GPC5: variants seen among roughly 807,000 people sequenced by gnomAD.
GPC5 encodes glypican 5.
Under a neutral mutation model 53.9 loss-of-function variants are expected in GPC5, and 47 were observed. The observed-to-expected ratio is 0.87, with a 90% CI of 0.69 to 1.11. The LOEUF is 1.11. Among genes scored for constraint, GPC5 ranks in the 50% most tolerant of loss-of-function variants. The pLI is 0.00. For synonymous variants in GPC5, 286 were observed against 263.3 expected (o/e 1.09, Z -0.84); for missense variants, 748 against 713.1 (o/e 1.05, Z -0.56).
chr13:92,288,124 T>G (rs1323814832), intron 7 of GPC5, among the ~76,000 whole-genome samples: 3 of 152,128 alleles, frequency 2.0e-5, no homozygotes. Context: ...TATCTGTTTG[T>G]TGATATTTTC....
intron 5 of GPC5, among the ~76,000 whole-genome samples, chr13:91,834,972 G>A (rs1415369395): frequency 6.6e-6 from 1 of 150,616 alleles, no homozygotes; most frequent in African/African-American, 2.5e-5. Flanking sequence ...CTACAGAATG[G>A]TAGAAAATTT....
rs140056627 is a variant in GPC5, at chr13:91,578,220, A to G, written c.326-114967A>G. Among the ~76,000 whole-genome samples the G allele has an allele frequency of 7.6e-3, 1,156 of 152,312 alleles. 5 individuals are homozygous for G. Among genetic ancestry groups the G allele is most frequent in the Non-Finnish European group, 0.011 (774 of 68,030 alleles). Reference sequence around the variant, plus strand: ...TCCTTCAGCTCCAGTGAAGGCTTCAAATGATAGCTCTCCTGGCTTGTCTTA... The same window carrying G: ...TCCTTCAGCTCCAGTGAAGGCTTCAGATGATAGCTCTCCTGGCTTGTCTTA... On this transcript the variant is annotated intron_variant, in intron 2 of 7. Coordinates refer to ENST00000377067, the MANE Select transcript of GPC5 (RefSeq NM_004466.6).
chr13:91,725,327 AG>A (rs2036554584), intron 3 of GPC5, among the ~76,000 whole-genome samples: 1 of 152,204 alleles, frequency 6.6e-6, no homozygotes, highest in African/African-American at 2.4e-5. Flanking sequence ...AGGAAATTGC[AG>A]TATAAGTCAG....
chr13:92,233,435 A>C (rs569748687), intron 7 of GPC5, among the ~76,000 whole-genome samples: 10 of 152,312 alleles, frequency 6.6e-5, no homozygotes, highest in Middle Eastern at 3.4e-3. Flanking sequence ...GCTGGCAGAA[A>C]ATCTGGATAA....
At chr13:91,978,497 G>A (rs1407498384) in intron 6 of GPC5, among the ~76,000 whole-genome samples, 1 of 152,154 alleles carries the variant, frequency 6.6e-6, no homozygotes, top group African/African-American at 2.4e-5. Flanking sequence ...AAAAGCAAAT[G>A]TTTGTGAGAG....
intron 5 of GPC5, among the ~76,000 whole-genome samples, chr13:91,835,863 C>G (rs1181505161): frequency 6.6e-6 from 1 of 151,890 alleles, no homozygotes; most frequent in African/African-American, 2.4e-5. Flanking sequence ...TGCACAGGTA[C>G]CCTAGAACTT....
chr13:91,747,134 T>C (rs1162044107), intron 4 of GPC5, among the ~76,000 whole-genome samples: 2 of 152,210 alleles, frequency 1.3e-5, no homozygotes, highest in African/African-American at 2.4e-5. Flanking sequence ...TTTTACACCT[T>C]ACTAAAAGAT....
intron 6 of GPC5, among the ~76,000 whole-genome samples, chr13:92,135,304 C>A (rs17267116): frequency 0.17 from 25,319 of 152,110 alleles, 2,337 homozygotes; most frequent in Admixed American, 0.21. Flanking sequence ...GAATTGAGAA[C>A]ATTTGGCGTG....
intron 3 of GPC5, among the ~76,000 whole-genome samples, chr13:91,724,863 A>T (rs2036544649): frequency 6.6e-6 from 1 of 152,188 alleles, no homozygotes; most frequent in African/African-American, 2.4e-5. Flanking sequence ...TCTGGAAAAA[A>T]AAAGAAAGAA....
intron 7 of GPC5, among the ~76,000 whole-genome samples, chr13:92,427,327 T>C (rs1876879633): frequency 6.7e-6 from 1 of 149,028 alleles, no homozygotes. Context: ...GTAAATAACA[T>C]ACGAGATAAC....
Position 91,399,136 on chromosome 13 carries a change from CGAA to C in GPC5, c.95_97del (p.Glu32del), listed in dbSNP as rs1566362506. The stretch of plus-strand genomic sequence containing the variant: ...CCCGCAGCGAGGGCGTGCAGACCTG[CGAA>C]GAAGTTCGGAAACTTTTCCAGTGGC... On this transcript the variant is annotated inframe_deletion, in exon 1 of 8. Coordinates refer to ENST00000377067, the MANE Select transcript of GPC5 (RefSeq NM_004466.6). 15 of 1,613,082 alleles carry C rather than the reference CGAA, an allele frequency of 9.3e-6. No homozygotes were observed. The South Asian group carries it at 1.7e-4, about 18-fold the overall frequency.
chr13:92,189,471 A>G (rs2042207696), intron 7 of GPC5, among the ~76,000 whole-genome samples: 1 of 152,042 alleles, frequency 6.6e-6, no homozygotes, highest in African/African-American at 2.4e-5. Context: ...TCACTAAAAG[A>G]CTGACCCTAA....
chr13:91,670,715 G>A (rs2035224932), intron 2 of GPC5, among the ~76,000 whole-genome samples: 1 of 152,068 alleles, frequency 6.6e-6, no homozygotes, highest in Admixed American at 6.6e-5. Context: ...TGAGGGCGGG[G>A]CATAAACTGT....
At chr13:92,363,330 C>T (rs1380157381) in intron 7 of GPC5, among the ~76,000 whole-genome samples, 3 of 151,592 alleles carry the variant, frequency 2.0e-5, no homozygotes, top group African/African-American at 7.3e-5. Flanking sequence ...GACCAGAGGT[C>T]CCCAACATTT....
chr13:92,615,838 A>C (rs1421691240), intron 7 of GPC5, among the ~76,000 whole-genome samples: 1 of 152,056 alleles, frequency 6.6e-6, no homozygotes, highest in African/African-American at 2.4e-5. Flanking sequence ...GTGGATCACG[A>C]GGTCAGGAGA....
At chr13:92,479,608 C>T (rs1218228852) in intron 7 of GPC5, among the ~76,000 whole-genome samples, 1 of 152,132 alleles carries the variant, frequency 6.6e-6, no homozygotes, top group African/African-American at 2.4e-5. Context: ...CCCTGTCCTC[C>T]ACCTCCAGTT....
intron 7 of GPC5, among the ~76,000 whole-genome samples, chr13:92,505,459 T>A (rs1410615555): frequency 6.6e-6 from 1 of 151,982 alleles, no homozygotes; most frequent in African/African-American, 2.4e-5. Flanking sequence ...GTATTAACAA[T>A]TCCTGGTGCT....
At chr13:92,865,738 A>C (rs922321121) in intron 7 of GPC5, among the ~76,000 whole-genome samples, 4 of 152,178 alleles carry the variant, frequency 2.6e-5, no homozygotes, top group African/African-American at 9.6e-5. Context: ...ATACTTGTCA[A>C]AATATCACAT....
At chr13:92,351,778 G>A (rs1255800966) in intron 7 of GPC5, among the ~76,000 whole-genome samples, 2 of 152,072 alleles carry the variant, frequency 1.3e-5, no homozygotes, top group South Asian at 2.1e-4. Flanking sequence ...AGAATATCAA[G>A]TATCTAAGAA....
Sources: allele counts gnomAD v4.1 joint callset (sites outside exome capture counted in the v4.1 genomes callset), GRCh38; gene constraint gnomAD v4.1.1; transcripts MANE v1.5; gene names NCBI Gene and HGNC (gene_info 2026-07-23, HGNC 2026-07-21).